The following NUDT13 variants were observed in gnomAD, a reference collection of about 807,000 sequenced individuals.
The protein encoded by NUDT13 is nudix hydrolase 13, also known as NAD(P)H pyrophosphatase NUDT13, mitochondrial.
Under a neutral mutation model 41.7 loss-of-function variants are expected in NUDT13, and 40 were observed. That is an observed-to-expected ratio of 0.96 (90% CI 0.75 to 1.25). The LOEUF (loss-of-function observed/expected upper bound fraction) is 1.25, where lower values mean the gene tolerates loss of function less well. Among genes scored for constraint, NUDT13 ranks in the 50% most tolerant of loss-of-function variants. The pLI is 0.00. For missense variants in NUDT13, 390 were observed against 416.1 expected (o/e 0.94, Z 0.55); for synonymous variants, 145 against 155.5 (o/e 0.93, Z 0.50).
intron 1 of NUDT13, among the ~76,000 whole-genome samples, chr10:73,113,453 T>C (rs1027528424): frequency 2.0e-5 from 3 of 152,196 alleles, no homozygotes; most frequent in African/African-American, 4.8e-5. Context: ...TTTGGGGTTA[T>C]TAAAGTAGGA....
Position 73,122,104 on chromosome 10 carries a change from T to C in NUDT13, c.224-71T>C, listed in dbSNP as rs1364721654. On this transcript the variant is annotated intron_variant, in intron 3 of 8. Transcript: ENST00000357321. Reference sequence around the variant, plus strand: ...TGAAGTAGATGATTTTCTGTGAGTCTAATATGGCTGTAGTGATTTAATAGA... The same window carrying C: ...TGAAGTAGATGATTTTCTGTGAGTCCAATATGGCTGTAGTGATTTAATAGA... 5.3e-6 allele frequency: 8 copies of C among 1,514,738 alleles called. No homozygotes were observed. The African/African-American group carries it at 1.1e-4, about 21-fold the overall frequency. The allele number at this position is 1,514,738 out of a possible 1,614,324, so 93.8% of individuals were successfully genotyped here. A position where few individuals can be genotyped will look rare whatever the true frequency, so the allele number is the denominator to read the frequency against.
chr10:73,125,277 A>G, intron 6 of NUDT13, 34 bp downstream of exon 6: 1 of 1,605,908 alleles, frequency 6.2e-7, no homozygotes, highest in Non-Finnish European at 8.5e-7. Flanking sequence ...GTAATCCAAG[A>G]AGACTGTGCG....
rs1842920625 is a variant in NUDT13, at chr10:73,131,675, A to G, written c.*772A>G. On this transcript the variant is annotated 3_prime_UTR_variant, in exon 9 of 9. Coordinates refer to ENST00000357321, the MANE Select transcript of NUDT13 (RefSeq NM_015901.6). ...TTGCACATCCACAACGTGTTGATTA[A>G]CAAAGGGATTGGTGGAGATAAACAG... 4 of 152,252 alleles carry G rather than the reference A, an allele frequency of 2.6e-5. No individual in the cohort carries two copies. The highest frequency in any genetic ancestry group is 6.5e-5 in the Admixed American group (1 of 15,286). The allele number at this position is 152,252 out of a possible 1,614,324, so 9.4% of individuals were successfully genotyped here.
intron 8 of NUDT13, among the ~76,000 whole-genome samples, chr10:73,129,512 G>A (rs7918236): frequency 0.1 from 15,927 of 151,888 alleles, 1,234 homozygotes; most frequent in East Asian, 0.3. Context: ...CACTTCTCTA[G>A]CATCACTGAC....
At chr10:73,117,824 G>A (rs1842553197) in intron 2 of NUDT13, among the ~76,000 whole-genome samples, 1 of 152,048 alleles carries the variant, frequency 6.6e-6, no homozygotes, top group Admixed American at 6.6e-5. Context: ...ATTTTTTACT[G>A]TTAAAATAAG....
chr10:73,125,651 T>TTATATTTATATATATATATATATATATA (rs1554847531), intron 7 of NUDT13, 142 bp downstream of exon 7: 7 of 195,606 alleles, frequency 3.6e-5, no homozygotes, highest in African/African-American at 2.0e-4. Flanking sequence ...TTCTGGCATT[T>TTATATTTATATATATATATATATATATA]TATATATATA....
Position 73,122,178 on chromosome 10 carries a change from T to C in NUDT13, c.227T>C (p.Leu76Ser). Residue 76 changes from leucine to serine, a missense_variant, in exon 4 of 9, where the codon TTG (leucine) becomes TCG (serine). By Grantham distance (145) the Leu-to-Ser change is moderately radical (BLOSUM62 -2). Transcript: ENST00000357321. ...CCTTCCCCTTTCTGTTTCTTAGAGTTGGAAAGGCTCCTGGGTAAATTTGGA... is the reference window on the plus strand; with the variant it reads ...CCTTCCCCTTTCTGTTTCTTAGAGTCGGAAAGGCTCCTGGGTAAATTTGGA... ...YLAPRHSLLELERLLGKFGQD... is the reference protein window; with the variant it reads ...YLAPRHSLLESERLLGKFGQD... The C allele has an allele frequency of 6.2e-7, 1 of 1,612,478 alleles. No individual in the cohort carries two copies. Among genetic ancestry groups the C allele is most frequent in the Non-Finnish European group, 8.5e-7 (1 of 1,179,538 alleles).
chr10:73,130,953 TAG>T lies in NUDT13; in HGVS notation c.*54_*55del. 2 of 1,473,500 alleles carry T rather than the reference TAG, an allele frequency of 1.4e-6. No homozygotes were observed. The highest frequency in any genetic ancestry group is 1.9e-6 in the Non-Finnish European group (2 of 1,056,258). 91.3% of individuals were successfully genotyped at this position (1,473,500 alleles called of 1,614,324 possible). A position where few individuals can be genotyped will look rare whatever the true frequency, so the allele number is the denominator to read the frequency against. ...TCCTTGGTATTCCTGAGGGACAAAC[TAG>T]AGATCAGTTGACAAAGGAGAAGTGA... On this transcript the variant is annotated 3_prime_UTR_variant, in exon 9 of 9. Coordinates refer to ENST00000357321, the MANE Select transcript of NUDT13 (RefSeq NM_015901.6).
chr10:73,129,297 C>T (rs1431612140), intron 8 of NUDT13, among the ~76,000 whole-genome samples: 2 of 151,714 alleles, frequency 1.3e-5, no homozygotes, highest in South Asian at 2.1e-4. Flanking sequence ...CTCAGCCTCC[C>T]GAGTGGCTGG....
Position 73,131,302 on chromosome 10 carries a change from A to C in NUDT13, c.*399A>C, listed in dbSNP as rs1842913772. The C allele has an allele frequency of 1.1e-5, 2 of 189,672 alleles. No homozygotes were observed. Among genetic ancestry groups the C allele is most frequent in the Non-Finnish European group, 2.3e-5 (2 of 88,638 alleles). The allele number at this position is 189,672 out of a possible 1,614,324, so 11.7% of individuals were successfully genotyped here. A position where few individuals can be genotyped will look rare whatever the true frequency, so the allele number is the denominator to read the frequency against. On this transcript the variant is annotated 3_prime_UTR_variant, in exon 9 of 9. Coordinates refer to ENST00000357321, the MANE Select transcript of NUDT13 (RefSeq NM_015901.6). ...TAAGTTTGGTTAAAACTTTTATCTT[A>C]GTATTGAAAATATATAGCAAGTTTT...
At chr10:73,115,344 T>C (rs4453142) in intron 2 of NUDT13, among the ~76,000 whole-genome samples, 15,949 of 152,018 alleles carry the variant, frequency 0.1, 1,227 homozygotes, top group East Asian at 0.3. Context: ...GCCTGGCTAA[T>C]TTTTATATTT....
At chr10:73,111,239 A>G (rs937280767) in intron 1 of NUDT13, among the ~76,000 whole-genome samples, 2 of 152,102 alleles carry the variant, frequency 1.3e-5, no homozygotes, top group African/African-American at 4.8e-5. Context: ...CGGCCTCCCA[A>G]AGTGCTGGGA....
chr10:73,120,159 T>C lies in NUDT13; in HGVS notation c.223+2T>C. 6.2e-7 allele frequency: 1 copy of C among 1,614,142 alleles called. No individual in the cohort carries two copies. Among genetic ancestry groups the C allele is most frequent in the Non-Finnish European group, 8.5e-7 (1 of 1,180,014 alleles). ...TGGCCCCCCGGCACAGCCTGTTAGG[T>C]AAGTCCAGAGTGGACCAGTGGCGTT... On this transcript the variant is annotated splice_donor_variant, in intron 3 of 8. Coordinates refer to ENST00000357321, the MANE Select transcript of NUDT13 (RefSeq NM_015901.6). LOFTEE classifies it high-confidence loss of function.
Position 73,131,561 on chromosome 10 carries a change from T to C in NUDT13, c.*658T>C, listed in dbSNP as rs1015953154. On this transcript the variant is annotated 3_prime_UTR_variant, in exon 9 of 9. Coordinates refer to ENST00000357321, the MANE Select transcript of NUDT13 (RefSeq NM_015901.6). ...AGACAGTAAATCTTTTTCGCTGTTT[T>C]CAGCTCTGTCACATGCTCAGTTTGT... 6.6e-6 allele frequency: 1 copy of C among 152,600 alleles called. No individual in the cohort carries two copies. Among genetic ancestry groups the C allele is most frequent in the Non-Finnish European group, 1.5e-5 (1 of 68,332 alleles). 9.5% of individuals were successfully genotyped at this position (152,600 alleles called of 1,614,324 possible).
At chr10:73,112,910 G>A (rs1210920271) in intron 1 of NUDT13, among the ~76,000 whole-genome samples, 1 of 150,160 alleles carries the variant, frequency 6.7e-6, no homozygotes, top group Non-Finnish European at 1.5e-5. Context: ...TTTTTAAGAC[G>A]ACGTTTTGCT....
chr10:73,111,003 G>GT (rs1842351841), intron 1 of NUDT13, among the ~76,000 whole-genome samples: 1 of 152,148 alleles, frequency 6.6e-6, no homozygotes, highest in African/African-American at 2.4e-5. Context: ...CACAGGCGAA[G>GT]TATCACTTGG....
intron 8 of NUDT13, 30 bp from the exon 9 acceptor site, chr10:73,130,673 T>G (rs1842898294): frequency 6.3e-7 from 1 of 1,594,392 alleles, no homozygotes; most frequent in African/African-American, 1.3e-5. Flanking sequence ...GCTCCTGACC[T>G]TACATCCTTT....
intron 1 of NUDT13, among the ~76,000 whole-genome samples, chr10:73,113,316 T>C (rs1842415864): frequency 6.6e-6 from 1 of 152,256 alleles, no homozygotes; most frequent in Admixed American, 6.5e-5. Context: ...GAGAGGCTTA[T>C]TATTTGACAC....
chr10:73,124,326 T>C lies in NUDT13; in HGVS notation c.465+6T>C. ...ATGCCTCCTTGCTGTCCACGGTAGATTCTGATTTCTCATTCTGTAGGAAAT... is the reference window on the plus strand; with the variant it reads ...ATGCCTCCTTGCTGTCCACGGTAGACTCTGATTTCTCATTCTGTAGGAAAT... On this transcript the variant is annotated splice_donor_region_variant and intron_variant, in intron 5 of 8. Transcript: ENST00000357321. 6.3e-7 allele frequency: 1 copy of C among 1,588,342 alleles called. No individual in the cohort carries two copies. Among genetic ancestry groups the C allele is most frequent in the Non-Finnish European group, 8.6e-7 (1 of 1,157,876 alleles).
Sources: allele counts gnomAD v4.1 joint callset (sites outside exome capture counted in the v4.1 genomes callset), GRCh38; gene constraint gnomAD v4.1.1; transcripts MANE v1.5; gene names NCBI Gene and HGNC (gene_info 2026-07-23, HGNC 2026-07-21).